The following SUFU variants were observed in gnomAD, a reference collection of about 807,000 sequenced individuals.
SUFU encodes suppressor of fused homolog.
SUFU carries 7 observed loss-of-function variants against 58.9 expected under a neutral mutation model. That is an observed-to-expected ratio of 0.12 (90% CI 0.07 to 0.22). The LOEUF (loss-of-function observed/expected upper bound fraction) is 0.22, where lower values mean the gene tolerates loss of function less well. Ranked by LOEUF, SUFU falls within the 10% of genes least tolerant of loss-of-function variation. SUFU has a pLI of 1.00. For missense variants in SUFU, 451 were observed against 641.3 expected, an observed-to-expected ratio of 0.70 and a Z score of 3.20; for synonymous variants, 232 against 254.8, an observed-to-expected ratio of 0.91 and a Z score of 0.85.
At chr10:102,568,923 C>G (rs7090734) in intron 3 of SUFU, among the ~76,000 whole-genome samples, 2 of 39,094 alleles carry the variant, frequency 5.1e-5, no homozygotes, top group East Asian at 5.8e-4. Context: ...TATATATACA[C>G]ATATATATAT....
chr10:102,521,811 G>C (rs1352192927), intron 2 of SUFU, among the ~76,000 whole-genome samples: 1 of 152,128 alleles, frequency 6.6e-6, no homozygotes. Flanking sequence ...ATTCGTTATT[G>C]TTATCCAATG....
At chr10:102,517,202 C>T (rs1276875696) in intron 2 of SUFU, among the ~76,000 whole-genome samples, 4 of 151,910 alleles carry the variant, frequency 2.6e-5, no homozygotes, top group Admixed American at 6.6e-5. Context: ...GCAGGAGAAT[C>T]GCTTGGACTC....
At chr10:102,593,544 A>G in intron 4 of SUFU, 92 bp from the exon 5 acceptor site, 6 of 1,269,802 alleles carry the variant, frequency 4.7e-6, no homozygotes, top group South Asian at 1.2e-5. Flanking sequence ...TGGTCTCCCA[A>G]CTGGAGGTGA....
At chr10:102,521,090 C>T (rs190574418) in intron 2 of SUFU, among the ~76,000 whole-genome samples, 3 of 152,310 alleles carry the variant, frequency 2.0e-5, no homozygotes. Context: ...TTCCCACTAG[C>T]AATGAATGAG....
At chr10:102,532,079 C>T (rs937740712) in intron 2 of SUFU, among the ~76,000 whole-genome samples, 21 of 152,048 alleles carry the variant, frequency 1.4e-4, no homozygotes, top group African/African-American at 4.8e-4. Flanking sequence ...TCTCCTGCCT[C>T]GGCCTCCTGA....
chr10:102,527,463 T>C (rs1192555479), intron 2 of SUFU, among the ~76,000 whole-genome samples: 2 of 150,808 alleles, frequency 1.3e-5, no homozygotes, highest in Non-Finnish European at 2.9e-5. Context: ...AAAAAGGAAA[T>C]AGTAGCAAAA....
intron 3 of SUFU, among the ~76,000 whole-genome samples, chr10:102,568,964 C>A (rs1262003828): frequency 8.2e-5 from 8 of 97,048 alleles, no homozygotes; most frequent in South Asian, 3.7e-4. Flanking sequence ...ATATATATAT[C>A]TATAGCAGTG....
Position 102,619,068 on chromosome 10 carries a change from C to G in SUFU, c.1296+1640C>G. On this transcript the variant is annotated intron_variant, in intron 10 of 11. Coordinates refer to ENST00000369902, the MANE Select transcript of SUFU (RefSeq NM_016169.4). The surrounding 1 kb of genome is among the most constrained non-coding windows in gnomAD (Gnocchi z 4.2). ...CCAGTTATGTTTGACATCCTCAGCT[C>G]TGAACCTATCCTCGGAGCTCTGCCC... 1 of 1,612,726 alleles carries G rather than the reference C, an allele frequency of 6.2e-7. No homozygotes were observed. Among genetic ancestry groups the G allele is most frequent in the Non-Finnish European group, 8.5e-7 (1 of 1,179,862 alleles).
At position 102,617,838 on chromosome 10, in the gene SUFU, A is replaced by C; in HGVS notation, c.1296+410A>C. The stretch of plus-strand genomic sequence containing the variant: ...ATGGCTACATGGAAATCCCACCAGA[A>C]TTCAGACAGTGGCATGTGTGCCTGG... On this transcript the variant is annotated intron_variant, in intron 10 of 11. Coordinates refer to ENST00000369902, the MANE Select transcript of SUFU (RefSeq NM_016169.4). The surrounding 1 kb of genome is among the most constrained non-coding windows in gnomAD (Gnocchi z 4.4). 2 of 433,202 alleles carry C rather than the reference A, an allele frequency of 4.6e-6. No individual in the cohort carries two copies. Among genetic ancestry groups the C allele is most frequent in the East Asian group, 3.6e-5 (1 of 27,400 alleles). 26.8% of individuals were successfully genotyped at this position (433,202 alleles called of 1,614,324 possible). A position where few individuals can be genotyped will look rare whatever the true frequency, so the allele number is the denominator to read the frequency against.
Position 102,617,703 on chromosome 10 carries a change from C to T in SUFU, c.1296+275C>T, listed in dbSNP as rs571869565. ...CTGGCTCTTGGTAATTCTGGTTCCC[C>T]GTGGAAATCCAGGTTGGAGGGATAT... is the stretch of plus-strand genomic sequence containing the variant. On this transcript the variant is annotated intron_variant, in intron 10 of 11. Transcript: ENST00000369902. The surrounding 1 kb of genome is among the most constrained non-coding windows in gnomAD (Gnocchi z 4.4). 33 of 599,672 alleles carry T rather than the reference C, an allele frequency of 5.5e-5. No individual in the cohort carries two copies. Among genetic ancestry groups the T allele is most frequent in the African/African-American group, 4.1e-4 (22 of 53,904 alleles). The allele number at this position is 599,672 out of a possible 1,614,324, so 37.1% of individuals were successfully genotyped here.
At position 102,612,798 on chromosome 10, in the gene SUFU, C is replaced by T. The variant is rs531520644; in HGVS notation, c.1023-2470C>T. On this transcript the variant is annotated intron_variant, in intron 8 of 11. Transcript: ENST00000369902. ...TCGCTTAAACTCACTCTGAGCCCTT[C>T]GGCTCGTCACCTCACCTCCCTAAGC... is the stretch of plus-strand genomic sequence containing the variant. Among the ~76,000 whole-genome samples, 8 of 152,308 alleles carry T rather than the reference C, an allele frequency of 5.3e-5. No homozygotes were observed. The East Asian group carries it at 5.8e-4, about 11-fold the overall frequency.
At chr10:102,589,826 A>G (rs1564695348) in intron 3 of SUFU, among the ~76,000 whole-genome samples, 1 of 152,132 alleles carries the variant, frequency 6.6e-6, no homozygotes, top group Non-Finnish European at 1.5e-5. Context: ...GGTGAGAGTA[A>G]GCACCTCTGT....
At chr10:102,544,840 G>A (rs1343346110) in intron 2 of SUFU, among the ~76,000 whole-genome samples, 1 of 152,152 alleles carries the variant, frequency 6.6e-6, no homozygotes, top group Non-Finnish European at 1.5e-5. Context: ...TGTCTATTAT[G>A]GACATTTCAT....
intron 2 of SUFU, among the ~76,000 whole-genome samples, chr10:102,536,055 G>T (rs1468180226): frequency 2.6e-5 from 4 of 152,098 alleles, no homozygotes; most frequent in African/African-American, 7.2e-5. Flanking sequence ...TAGAGCCTCT[G>T]TTTCCTGGGT....
intron 1 of SUFU, 76 bp downstream of exon 1, chr10:102,504,410 G>A: frequency 6.3e-7 from 1 of 1,582,960 alleles, no homozygotes; most frequent in South Asian, 1.1e-5. Context: ...AGTAATTTGT[G>A]GGAGGTGGGA....
Position 102,509,212 on chromosome 10 carries a change from A to G in SUFU, c.226A>G (p.Asn76Asp). ...CTTGGACTATGTTAGCATGTACAGGAATGTGGGGAGCCCTTCTGCTAACAT... is the reference window on the plus strand; with the variant it reads ...CTTGGACTATGTTAGCATGTACAGGGATGTGGGGAGCCCTTCTGCTAACAT... ...DPLDYVSMYRNVGSPSANIPE... is the reference protein window; with the variant it reads ...DPLDYVSMYRDVGSPSANIPE... The change falls in exon 2 of 12, where the codon AAT (asparagine) becomes GAT (aspartate). Residue 76 changes from asparagine to aspartate, a missense_variant. Physicochemically the swap from Asn to Asp is conservative, Grantham distance 23 (BLOSUM62 1). Coordinates refer to ENST00000369902, the MANE Select transcript of SUFU (RefSeq NM_016169.4). 1 of 1,614,166 alleles carries G rather than the reference A, an allele frequency of 6.2e-7. No homozygotes were observed. Among genetic ancestry groups the G allele is most frequent in the Middle Eastern group, 1.7e-4 (1 of 6,056 alleles).
chr10:102,540,881 C>G (rs9665626), intron 2 of SUFU, among the ~76,000 whole-genome samples: 133,627 of 151,636 alleles, frequency 0.88, 59,231 homozygotes, highest in Middle Eastern at 0.92. Context: ...AATTAGCTGG[C>G]CGTGATGGTG....
At position 102,614,879 on chromosome 10, in the gene SUFU, T is replaced by TA. The variant is rs201612268; in HGVS notation, c.1023-373dup. ...TAATAGAACGAGACACCATCTCAAT[T>TA]AAAAAAAAAAAAAAAATAGAATGTT... On this transcript the variant is annotated intron_variant, in intron 8 of 11. Coordinates refer to ENST00000369902, the MANE Select transcript of SUFU (RefSeq NM_016169.4). Among the ~76,000 whole-genome samples the TA allele has an allele frequency of 8.6e-3, 1,175 of 137,244 alleles. 9 individuals carry two copies. Among genetic ancestry groups the TA allele is most frequent in the Middle Eastern group, 0.015 (4 of 264 alleles). 90.0% of individuals were successfully genotyped at this position (137,244 alleles called of 152,430 possible). A position where few individuals can be genotyped will look rare whatever the true frequency, so the allele number is the denominator to read the frequency against.
At chr10:102,554,835 G>C (rs1446492667) in intron 3 of SUFU, among the ~76,000 whole-genome samples, 2 of 152,204 alleles carry the variant, frequency 1.3e-5, no homozygotes, top group Non-Finnish European at 2.9e-5. Context: ...CATTTGCTCA[G>C]CTATAAAGCA....
Sources: allele counts gnomAD v4.1 joint callset (sites outside exome capture counted in the v4.1 genomes callset), GRCh38; gene constraint gnomAD v4.1.1; non-coding constraint Gnocchi (gnomAD v3.1); transcripts MANE v1.5; gene names NCBI Gene and HGNC (gene_info 2026-07-23, HGNC 2026-07-21).